The following SYT10 variants were observed in gnomAD, a reference collection of about 807,000 sequenced individuals.
SYT10 encodes the protein synaptotagmin 10.
In SYT10, 31 loss-of-function variants were observed where a neutral mutation model predicts 51.1. The observed-to-expected ratio is 0.61, with a 90% CI of 0.46 to 0.82. SYT10 has a LOEUF of 0.82. Among genes scored for constraint, SYT10 ranks in the 40% least tolerant of loss-of-function variants. The pLI, the probability that SYT10 is intolerant of heterozygous loss-of-function variation, is 0.00. For synonymous variants in SYT10, 233 were observed against 225.9 expected, an observed-to-expected ratio of 1.03 and a Z score of -0.28; for missense variants, 603 against 634.0, an observed-to-expected ratio of 0.95 and a Z score of 0.53.
intron 3 of SYT10, among the ~76,000 whole-genome samples, chr12:33,393,993 A>G (rs928506878): frequency 6.6e-6 from 1 of 152,150 alleles, no homozygotes; most frequent in Non-Finnish European, 1.5e-5. Flanking sequence ...CAGGAGAATT[A>G]AATAAAAGTT....
intron 1 of SYT10, among the ~76,000 whole-genome samples, chr12:33,436,509 A>C (rs1306239587): frequency 6.6e-6 from 1 of 152,156 alleles, no homozygotes; most frequent in African/African-American, 2.4e-5. Flanking sequence ...GTAAGTCTTC[A>C]CCAATTTTAT....
At chr12:33,404,271 C>T (rs1194921075) in intron 3 of SYT10, among the ~76,000 whole-genome samples, 4 of 152,192 alleles carry the variant, frequency 2.6e-5, no homozygotes, top group African/African-American at 9.7e-5. Flanking sequence ...TGCCTGTGGC[C>T]TCTAGAGTCA....
chr12:33,428,855 G>A (rs547514045), intron 1 of SYT10, among the ~76,000 whole-genome samples: 1 of 150,926 alleles, frequency 6.6e-6, no homozygotes, highest in South Asian at 2.1e-4. Flanking sequence ...GCAGTGAGCC[G>A]AGGTTGCGCC....
rs187867887 is a variant in SYT10, at chr12:33,409,592, C to T, written c.510-2236G>A. Among the ~76,000 whole-genome samples, 583 of 151,792 alleles carry T rather than the reference C, an allele frequency of 3.8e-3. 2 individuals carry two copies. Among genetic ancestry groups the T allele is most frequent in the Non-Finnish European group, 5.9e-3 (404 of 67,964 alleles). Reference sequence around the variant, plus strand: ...GCAGTGGCGTGATCTCGGCTCACTGCGAGCTCCGCCTCCCAGGTTCATGCC... The same window carrying T: ...GCAGTGGCGTGATCTCGGCTCACTGTGAGCTCCGCCTCCCAGGTTCATGCC... On this transcript the variant is annotated intron_variant, in intron 2 of 6. Coordinates refer to ENST00000228567, the MANE Select transcript of SYT10 (RefSeq NM_198992.4).
At chr12:33,385,771 C>T (rs2138388355) in intron 3 of SYT10, among the ~76,000 whole-genome samples, 1 of 152,334 alleles carries the variant, frequency 6.6e-6, no homozygotes, top group African/African-American at 2.4e-5. Flanking sequence ...AAGCCACCAT[C>T]ACCACTTGCC....
In SYT10 at chr12:33,438,203, T is replaced by C. The variant is rs1387025110; in HGVS notation, c.151+1169A>G. ...TCCCAGCACGCAGGGCTCCATGTTG[T>C]CCTGAGCTTGGCTGTCCAGCTCTTG... On this transcript the variant is annotated intron_variant, in intron 1 of 6. Transcript: ENST00000228567. Among the ~76,000 whole-genome samples, 9 of 152,190 alleles carry C rather than the reference T, an allele frequency of 5.9e-5. No homozygotes were observed. The East Asian group carries it at 1.7e-3, about 29-fold the overall frequency.
chr12:33,412,392 A>AT lies in SYT10; in HGVS notation c.510-5037dup, dbSNP rs202105625. Among the ~76,000 whole-genome samples the AT allele has an allele frequency of 8.7e-4, 103 of 117,850 alleles. 1 individual carries two copies. The East Asian group carries it at 0.011, about 12-fold the overall frequency. The allele number at this position is 117,850 out of a possible 152,430, so 77.3% of individuals were successfully genotyped here. A position where few individuals can be genotyped will look rare whatever the true frequency, so the allele number is the denominator to read the frequency against. ...AAACTATTGCCATGACAACACAGAT[A>AT]TTTTTTTTCTTCTGGCTTTTTTTTT... On this transcript the variant is annotated intron_variant, in intron 2 of 6. Coordinates refer to ENST00000228567, the MANE Select transcript of SYT10 (RefSeq NM_198992.4).
At chr12:33,415,803 C>A (rs1043055209) in intron 2 of SYT10, among the ~76,000 whole-genome samples, 11 of 152,170 alleles carry the variant, frequency 7.2e-5, no homozygotes, top group African/African-American at 2.7e-4. Context: ...ACACAAATAT[C>A]TGAGCATATA....
At chr12:33,380,765 C>T (rs1024382546) in intron 5 of SYT10, among the ~76,000 whole-genome samples, 4 of 152,080 alleles carry the variant, frequency 2.6e-5, no homozygotes, top group Admixed American at 2.6e-4. Context: ...GAGGCAGAGA[C>T]AGGAGCTGAA....
At chr12:33,406,670 G>A (rs1282639422) in intron 3 of SYT10, 119 bp downstream of exon 3, 14 of 840,676 alleles carry the variant, frequency 1.7e-5, no homozygotes, top group Non-Finnish European at 2.1e-5. Flanking sequence ...TACCTTTGCA[G>A]GATCTTAGAC....
At chr12:33,433,113 T>G (rs1316159489) in intron 1 of SYT10, among the ~76,000 whole-genome samples, 1 of 152,156 alleles carries the variant, frequency 6.6e-6, no homozygotes, top group Non-Finnish European at 1.5e-5. Flanking sequence ...AGCCATCTCT[T>G]TAGTCAGGAA....
chr12:33,378,588 A>G (rs1866085598), intron 6 of SYT10, among the ~76,000 whole-genome samples: 1 of 152,218 alleles, frequency 6.6e-6, no homozygotes, highest in Non-Finnish European at 1.5e-5. Flanking sequence ...CCTGCCCAAC[A>G]TGGCTTTACT....
Position 33,392,856 on chromosome 12 carries a change from G to C in SYT10, c.1078-7565C>G, listed in dbSNP as rs576504828. On this transcript the variant is annotated intron_variant, in intron 3 of 6. Coordinates refer to ENST00000228567, the MANE Select transcript of SYT10 (RefSeq NM_198992.4). ...TTAAGCGATTAACAGCAACCACCCA[G>C]AGCTACTATTGCCAGGACACTGTTT... Among the ~76,000 whole-genome samples the C allele has an allele frequency of 6.6e-5, 10 of 151,520 alleles. No individual in the cohort carries two copies. In the South Asian group the frequency reaches 1.9e-3, roughly 29 times the overall value.
rs746440967 is a variant in SYT10, at chr12:33,439,354, C to G, written c.151+18G>C. On this transcript the variant is annotated intron_variant, in intron 1 of 6. Transcript: ENST00000228567. ...TCCCAGCGGAGCGCGAGGACGCGAG[C>G]GGAGCCCTCCCGGTTACCTGTGCTG... The G allele has an allele frequency of 6.2e-7, 1 of 1,604,802 alleles. No homozygotes were observed.
intron 6 of SYT10, among the ~76,000 whole-genome samples, chr12:33,378,183 C>G (rs1866082419): frequency 6.6e-6 from 1 of 152,160 alleles, no homozygotes; most frequent in Admixed American, 6.5e-5. Context: ...CAATCTTGTT[C>G]TCAATAACTA....
rs78202421 is a variant in SYT10 at position 33,422,003 on chromosome 12, T to C, written c.509+4135A>G. On this transcript the variant is annotated intron_variant, in intron 2 of 6. Coordinates refer to ENST00000228567, the MANE Select transcript of SYT10 (RefSeq NM_198992.4). The stretch of plus-strand genomic sequence containing the variant: ...CAGTAAGATAAACAAGATGAGGTCA[T>C]TGAATTCATTTATTGATTCTTTCAA... Among the ~76,000 whole-genome samples, 996 of 152,214 alleles carry C rather than the reference T, an allele frequency of 6.5e-3. 10 individuals carry two copies. Among genetic ancestry groups the C allele is most frequent in the African/African-American group, 0.022 (918 of 41,528 alleles).
chr12:33,426,033 C>A, intron 2 of SYT10, 105 bp downstream of exon 2: 1 of 1,187,430 alleles, frequency 8.4e-7, no homozygotes, highest in Non-Finnish European at 1.2e-6. Context: ...TCTTTTCTCC[C>A]AACTAAAGTT....
chr12:33,426,119 ATATT>A lies in SYT10; in HGVS notation c.509+15_509+18del, dbSNP rs758591108. 3.8e-6 allele frequency: 6 copies of A among 1,567,870 alleles called. No individual in the cohort carries two copies. The African/African-American group carries it at 5.5e-5, about 14-fold the overall frequency. ...ACACACGCACACACACCAGTTTTAT[ATATT>A]TAATCTTTCCTTACCGGGTTGATGA... is the stretch of plus-strand genomic sequence containing the variant. On this transcript the variant is annotated intron_variant, in intron 2 of 6. Transcript: ENST00000228567.
intron 3 of SYT10, among the ~76,000 whole-genome samples, chr12:33,396,558 A>T (rs1305892650): frequency 6.6e-6 from 1 of 152,196 alleles, no homozygotes; most frequent in Non-Finnish European, 1.5e-5. Flanking sequence ...TATGTTTTGG[A>T]ACCTATAAAA....
Sources: allele counts gnomAD v4.1 joint callset (sites outside exome capture counted in the v4.1 genomes callset), GRCh38; gene constraint gnomAD v4.1.1; transcripts MANE v1.5; gene names NCBI Gene and HGNC (gene_info 2026-07-23, HGNC 2026-07-21).